DIPK1A: variants seen among roughly 807,000 people sequenced by gnomAD.
The protein encoded by DIPK1A is family with sequence similarity 69 member A.
DIPK1A carries 27 observed loss-of-function variants against 40.8 expected under a neutral mutation model. The ratio of observed to expected loss-of-function variants is 0.66; its 90% CI spans 0.49 to 0.91. The LOEUF (loss-of-function observed/expected upper bound fraction) is 0.91, where lower values mean the gene tolerates loss of function less well. Among genes scored for constraint, DIPK1A ranks in the 40% least tolerant of loss-of-function variants. DIPK1A has a pLI of 0.00. For synonymous variants in DIPK1A, 166 were observed against 171.3 expected (o/e 0.97, Z 0.24); for missense variants, 412 against 505.7 (o/e 0.81, Z 1.78).
chr1:92,936,946 T>C (rs967215932), intron 1 of DIPK1A, among the ~76,000 whole-genome samples: 3 of 152,226 alleles, frequency 2.0e-5, no homozygotes, highest in Non-Finnish European at 4.4e-5. Flanking sequence ...CAATTCACTG[T>C]TCATTCACTC....
intron 1 of DIPK1A, among the ~76,000 whole-genome samples, chr1:92,894,347 A>T (rs935075405): frequency 5.9e-5 from 9 of 152,044 alleles, no homozygotes; most frequent in South Asian, 2.1e-4. Flanking sequence ...GGATTAAGAA[A>T]CTCACTCAAA....
At chr1:92,852,241 A>G (rs1478453381) in intron 2 of DIPK1A, among the ~76,000 whole-genome samples, 1 of 152,194 alleles carries the variant, frequency 6.6e-6, no homozygotes, top group East Asian at 1.9e-4. Flanking sequence ...GCTCACGCCT[A>G]TAATCCCAGC....
At chr1:92,838,263 A>G (rs562471035), downstream of DIPK1A, among the ~76,000 whole-genome samples, 1 of 152,346 alleles carries the variant, frequency 6.6e-6, no homozygotes, top group African/African-American at 2.4e-5. Flanking sequence ...TGAATAAACA[A>G]ATAGCTTGAG....
At chr1:92,835,809 A>G (rs535505656) in intron 4 of DIPK1A, among the ~76,000 whole-genome samples, 6 of 152,246 alleles carry the variant, frequency 3.9e-5, no homozygotes, top group Admixed American at 1.3e-4. Context: ...CTTGTTTTGC[A>G]ATGGAATTGT....
chr1:92,878,955 C>G (rs1399399187), intron 1 of DIPK1A, among the ~76,000 whole-genome samples: 4 of 151,990 alleles, frequency 2.6e-5, no homozygotes, highest in African/African-American at 9.7e-5. Flanking sequence ...TGCAGTGAGC[C>G]GAGATTGTGC....
intron 1 of DIPK1A, among the ~76,000 whole-genome samples, chr1:92,896,950 G>A (rs1318813369): frequency 4.0e-5 from 6 of 151,366 alleles, no homozygotes; most frequent in African/African-American, 1.5e-4. Context: ...CAAAACCACA[G>A]TGAGATACCA....
intron 1 of DIPK1A, among the ~76,000 whole-genome samples, chr1:92,886,896 T>C (rs1233312991): frequency 6.6e-5 from 10 of 152,026 alleles, no homozygotes. Flanking sequence ...GCTGCTTTCA[T>C]GCTATAATGG....
At chr1:92,911,818 T>C (rs889341993) in intron 1 of DIPK1A, among the ~76,000 whole-genome samples, 1 of 151,688 alleles carries the variant, frequency 6.6e-6, no homozygotes, top group African/African-American at 2.4e-5. Context: ...CTGGCCAACA[T>C]GGTGAAACCT....
chr1:92,856,404 T>G (rs1008438886), intron 2 of DIPK1A, among the ~76,000 whole-genome samples: 4 of 152,054 alleles, frequency 2.6e-5, no homozygotes, highest in Admixed American at 2.6e-4. Flanking sequence ...GATTAGTTTA[T>G]TTACTATTAT....
chr1:92,847,449 GAAC>G (rs1687678792), intron 3 of DIPK1A, 90 bp from the exon 4 acceptor site: 1 of 748,466 alleles, frequency 1.3e-6, no homozygotes, highest in African/African-American at 1.8e-5. Context: ...CTCCTCCTCT[GAAC>G]AAAACAAAAC....
intron 1 of DIPK1A, among the ~76,000 whole-genome samples, chr1:92,878,238 G>A (rs986394902): frequency 2.0e-5 from 3 of 152,114 alleles, no homozygotes; most frequent in African/African-American, 7.2e-5. Context: ...AAAGGCAAGG[G>A]GAAACTTAAA....
rs1571044474 is a variant in DIPK1A, at chr1:92,843,719, C to T, written c.951G>A (p.Val317=). The stretch of plus-strand genomic sequence containing the variant: ...TAAGTTCTTTCAGGTTTGTCTCTGG[C>T]ACAATTTTTCTCATATCCACCATTT... ...DLKMVDMRKI[V]PETNLKELIK... Residue 317 remains valine (V), a synonymous_variant, in exon 5 of 5, where the codon GTG becomes GTA. Coordinates refer to ENST00000370310, the MANE Select transcript of DIPK1A (RefSeq NM_001006605.5). The T allele has an allele frequency of 1.9e-6, 3 of 1,551,696 alleles. No individual in the cohort carries two copies. The highest frequency in any genetic ancestry group is 4.9e-5 in the East Asian group (2 of 40,920).
chr1:92,839,593 C>G (rs139891722), downstream of DIPK1A, among the ~76,000 whole-genome samples: 1 of 152,150 alleles, frequency 6.6e-6, no homozygotes, highest in African/African-American at 2.4e-5. Flanking sequence ...GATGAATTTG[C>G]TTGTTGGCCT....
At chr1:92,887,662 T>G (rs1323921007) in intron 1 of DIPK1A, among the ~76,000 whole-genome samples, 1 of 152,232 alleles carries the variant, frequency 6.6e-6, no homozygotes, top group Non-Finnish European at 1.5e-5. Flanking sequence ...TTATGGTATG[T>G]CACTAAGTTT....
chr1:92,902,909 T>C (rs1390375041), intron 1 of DIPK1A, among the ~76,000 whole-genome samples: 3 of 152,242 alleles, frequency 2.0e-5, no homozygotes, highest in Non-Finnish European at 2.9e-5. Context: ...GAGGGGCTTC[T>C]AGTCGGCCAT....
At chr1:92,926,752 G>T (rs12065253) in intron 1 of DIPK1A, among the ~76,000 whole-genome samples, 1 of 151,918 alleles carries the variant, frequency 6.6e-6, no homozygotes, top group Non-Finnish European at 1.5e-5. Flanking sequence ...ATTATAAAAT[G>T]TCCCTGTTTA....
At chr1:92,866,180 C>A (rs1334396365) in intron 2 of DIPK1A, among the ~76,000 whole-genome samples, 2 of 152,340 alleles carry the variant, frequency 1.3e-5, no homozygotes, top group Admixed American at 6.5e-5. Flanking sequence ...CAGCTCACTG[C>A]AGCCTCCGTC....
intron 1 of DIPK1A, among the ~76,000 whole-genome samples, chr1:92,941,095 C>G: frequency 6.8e-6 from 1 of 147,438 alleles, no homozygotes; most frequent in East Asian, 2.0e-4. Flanking sequence ...GGGTCTTTAG[C>G]AGAGAAAAAG....
intron 2 of DIPK1A, among the ~76,000 whole-genome samples, chr1:92,871,923 T>C (rs944121161): frequency 5.3e-5 from 8 of 152,132 alleles, no homozygotes; most frequent in African/African-American, 1.7e-4. Flanking sequence ...ACTGTGAACA[T>C]TGGTGTGCCA....
Sources: gnomAD v4.1 joint callset for allele counts (sites outside exome capture counted in the v4.1 genomes callset) on GRCh38, gnomAD v4.1.1 for gene constraint, MANE v1.5 for transcripts, NCBI Gene and HGNC (gene_info 2026-07-23, HGNC 2026-07-21) for gene names.